The following ZNF81 variants were observed in gnomAD, a reference collection of about 807,000 sequenced individuals.
ZNF81 encodes zinc finger protein 81 (HFZ20).
A neutral mutation model predicts 32.3 loss-of-function variants in ZNF81; 5 were observed. That is an observed-to-expected ratio of 0.15 (90% CI 0.08 to 0.33). The LOEUF is 0.33. ZNF81 is among the 10% of genes least tolerant of loss of function. ZNF81 has a pLI of 1.00. For missense variants in ZNF81, 379 were observed against 479.8 expected (o/e 0.79, Z 1.96); for synonymous variants, 163 against 166.8 (o/e 0.98, Z 0.17).
intron 2 of ZNF81, among the ~76,000 whole-genome samples, chrX:47,885,026 G>A (rs2058636139): frequency 9.0e-6 from 1 of 111,712 alleles, no homozygotes; most frequent in Admixed American, 9.5e-5. Context: ...CCTAGGCCTC[G>A]AGACCTAATC....
At chrX:47,892,304 C>G (rs1401317858) in intron 3 of ZNF81, among the ~76,000 whole-genome samples, 1 of 111,722 alleles carries the variant, frequency 9.0e-6, no homozygotes, top group Non-Finnish European at 1.9e-5. Flanking sequence ...TTAGGTTTCC[C>G]TACTCAGTGG....
In ZNF81 at chrX:47,923,973, A is replaced by G. The variant is rs1297350961; in HGVS notation, c.*7341A>G. 1.8e-5 allele frequency among the ~76,000 whole-genome samples: 2 copies of G among 111,570 alleles called. No individual in the cohort carries two copies. The highest frequency in any genetic ancestry group is 6.5e-5 in the African/African-American group (2 of 30,709). ...GGTCTACCACCAGATGCTTGGCTGC[A>G]GGCTCACAAAAGCTTCTCATGGACT... On this transcript the variant is annotated 3_prime_UTR_variant, in exon 5 of 5. Transcript: ENST00000338637.
At chrX:47,868,511 C>A (rs1233427700) in intron 2 of ZNF81, among the ~76,000 whole-genome samples, 1 of 110,985 alleles carries the variant, frequency 9.0e-6, no homozygotes, top group African/African-American at 3.3e-5. Context: ...ATTTTTGGTT[C>A]CGTCATTAAA....
chrX:47,849,771 A>G (rs1336043825), intron 2 of ZNF81, among the ~76,000 whole-genome samples: 2 of 112,403 alleles, frequency 1.8e-5, no homozygotes, highest in African/African-American at 3.2e-5. Flanking sequence ...ATCAAGAACA[A>G]CAAAACAACA....
intron 2 of ZNF81, among the ~76,000 whole-genome samples, chrX:47,866,254 GC>G (rs1398329728): frequency 1.3e-4 from 14 of 111,998 alleles, no homozygotes; most frequent in African/African-American, 4.6e-4. Context: ...AAAAGACGTA[GC>G]CAGCATCAGC....
At chrX:47,866,059 G>A (rs909672400) in intron 2 of ZNF81, among the ~76,000 whole-genome samples, 12 of 112,109 alleles carry the variant, frequency 1.1e-4, no homozygotes, top group Non-Finnish European at 2.3e-4. Context: ...TTGCCCCTGG[G>A]AGAGTACTGC....
chrX:47,905,409 TAA>T (rs782351301), intron 4 of ZNF81, among the ~76,000 whole-genome samples: 2 of 29,466 alleles, frequency 6.8e-5, no homozygotes, highest in Non-Finnish European at 6.1e-5. Context: ...AGACTCCATC[TAA>T]AAAAAAAAAA....
chrX:47,915,918 C>A lies in ZNF81; in HGVS notation c.1272C>A (p.Thr424=), dbSNP rs782202189. The A allele has an allele frequency of 8.3e-7, 1 of 1,208,058 alleles. No homozygotes were observed. The highest frequency in any genetic ancestry group is 1.1e-6 in the Non-Finnish European group (1 of 894,202). ...GCAGTGAGTGTGGGAAAGCCTTTAC[C>A]CAAAAATCAACACTCAGGATGCATC... The part of the protein sequence containing the change: ...HKCSECGKAF[T]QKSTLRMHQR... Residue 424 remains threonine, a synonymous_variant, in exon 5 of 5, where the codon ACC becomes ACA. Transcript: ENST00000338637.
rs782483048 is a variant in ZNF81 at position 47,925,575 on chromosome X, A to T, written c.*8943A>T. ...CATTCATGTTTTGATGGAAATTTGTATTTCCAGCTTTTGGCTATTACAAAT... is the reference window on the plus strand; with the variant it reads ...CATTCATGTTTTGATGGAAATTTGTTTTTCCAGCTTTTGGCTATTACAAAT... On this transcript the variant is annotated 3_prime_UTR_variant, in exon 5 of 5. Transcript: ENST00000338637. Among the ~76,000 whole-genome samples, 1 of 112,206 alleles carries T rather than the reference A, an allele frequency of 8.9e-6. No homozygotes were observed. Among genetic ancestry groups the T allele is most frequent in the South Asian group, 3.7e-4 (1 of 2,716 alleles).
chrX:47,837,098 CT>C (rs1556879165), intron 1 of ZNF81, 111 bp downstream of exon 1: 1 of 132,173 alleles, frequency 7.6e-6, no homozygotes, highest in South Asian at 2.0e-4. Flanking sequence ...AGGCTTTTCT[CT>C]TTTCTAACAT....
chrX:47,911,635 A>G (rs2058739742), intron 4 of ZNF81, among the ~76,000 whole-genome samples: 2 of 111,827 alleles, frequency 1.8e-5, no homozygotes, highest in Admixed American at 1.9e-4. Flanking sequence ...GAGGAATTCA[A>G]CGAAGATTGT....
chrX:47,893,333 G>C (rs1181004356), intron 3 of ZNF81, among the ~76,000 whole-genome samples: 1 of 110,396 alleles, frequency 9.1e-6, no homozygotes, highest in Non-Finnish European at 1.9e-5. Context: ...GGAAGGGAGA[G>C]GTTTTGGAGG....
intron 2 of ZNF81, among the ~76,000 whole-genome samples, chrX:47,872,639 T>C (rs1043707118): frequency 4.5e-5 from 5 of 111,566 alleles, no homozygotes; most frequent in Non-Finnish European, 3.8e-5. Context: ...ACTAATGGGG[T>C]TAATGGAGCA....
intron 2 of ZNF81, among the ~76,000 whole-genome samples, chrX:47,880,142 G>A (rs2058615012): frequency 8.9e-6 from 1 of 112,061 alleles, no homozygotes; most frequent in Non-Finnish European, 1.9e-5. Context: ...TGTGTGTTCA[G>A]GGGTTCTCAG....
chrX:47,841,565 C>T, intron 1 of ZNF81: 1 of 989,346 alleles, frequency 1.0e-6, no homozygotes, highest in East Asian at 3.0e-5. Context: ...AAACCTAAGC[C>T]TTTTTCCTTT....
chrX:47,846,369 C>G, intron 2 of ZNF81, 48 bp downstream of exon 2: 1 of 1,176,888 alleles, frequency 8.5e-7, no homozygotes, highest in Non-Finnish European at 1.1e-6. Context: ...ATCCACAGCC[C>G]TGAAGGAAAG....
Position 47,917,202 on chromosome X carries a change from T to TA in ZNF81, c.*571dup. 3.4e-6 allele frequency: 1 copy of TA among 294,320 alleles called. No homozygotes were observed. The highest frequency in any genetic ancestry group is 2.0e-4 in the South Asian group (1 of 4,898). 24.3% of individuals were successfully genotyped at this position (294,320 alleles called of 1,213,427 possible). On this transcript the variant is annotated 3_prime_UTR_variant, in exon 5 of 5. Transcript: ENST00000338637. ...GAATATGTCTATCAAATATGTTTCT[T>TA]ATTGAATATTTCTATCAAGTGAATC...
At chrX:47,862,098 T>C (rs1556882621) in intron 2 of ZNF81, among the ~76,000 whole-genome samples, 1 of 111,468 alleles carries the variant, frequency 9.0e-6, no homozygotes, top group African/African-American at 3.3e-5. Context: ...TGGTGAGGTC[T>C]CAAGAGTCAT....
At chrX:47,907,713 A>T (rs2058725623) in intron 4 of ZNF81, among the ~76,000 whole-genome samples, 1 of 112,076 alleles carries the variant, frequency 8.9e-6, no homozygotes, top group Non-Finnish European at 1.9e-5. Flanking sequence ...GAAAAGAAAC[A>T]TCATTACAAA....
Sources: gnomAD v4.1 joint callset for allele counts (sites outside exome capture counted in the v4.1 genomes callset) on GRCh38, gnomAD v4.1.1 for gene constraint, MANE v1.5 for transcripts, NCBI Gene and HGNC (gene_info 2026-07-23, HGNC 2026-07-21) for gene names.